Variants in NXPE3 observed in about 807,000 individuals in gnomAD.
NXPE3 encodes the protein neurexophilin and PC-esterase domain family member 3.
A neutral mutation model predicts 46.1 loss-of-function variants in NXPE3; 26 were observed. That is an observed-to-expected ratio of 0.56 (90% CI 0.41 to 0.78). The LOEUF is 0.78. NXPE3 is among the 30% of genes least tolerant of loss of function. The pLI is 0.00. For synonymous variants in NXPE3, 272 were observed against 257.9 expected, an observed-to-expected ratio of 1.05 and a Z score of -0.52; for missense variants, 620 against 686.0, an observed-to-expected ratio of 0.90 and a Z score of 1.07.
intron 4 of NXPE3, 150 bp from the exon 5 acceptor site, chr3:101,801,085 A>C (rs1941114173): frequency 6.0e-6 from 5 of 833,294 alleles, no homozygotes; most frequent in Non-Finnish European, 9.5e-6. Context: ...CCGGAAGCCC[A>C]AGGGGATTTT....
At chr3:101,794,038 G>A (rs1303409169) in intron 4 of NXPE3, among the ~76,000 whole-genome samples, 2 of 151,646 alleles carry the variant, frequency 1.3e-5, no homozygotes, top group African/African-American at 2.4e-5. Context: ...TTTGTTTACT[G>A]TCTCTCAGGC....
intron 4 of NXPE3, among the ~76,000 whole-genome samples, chr3:101,786,523 G>C (rs1333084642): frequency 6.6e-6 from 1 of 152,214 alleles, no homozygotes; most frequent in African/African-American, 2.4e-5. Context: ...CCTGTGCGCT[G>C]TGAGTAAAAT....
chr3:101,785,714 TAACTAA>T (rs1940133205), intron 4 of NXPE3, 25 bp downstream of exon 4: 51 of 1,586,546 alleles, frequency 3.2e-5, no homozygotes, highest in Non-Finnish European at 4.2e-5. Flanking sequence ...TAATCCCTCA[TAACTAA>T]GGGAGCCGAG....
intron 6 of NXPE3, among the ~76,000 whole-genome samples, chr3:101,815,602 G>A (rs922877035): frequency 1.3e-5 from 2 of 152,126 alleles, no homozygotes; most frequent in East Asian, 1.9e-4. Flanking sequence ...GGTGGCTCAC[G>A]CCTGTAATTC....
At chr3:101,792,905 G>C (rs1476155771) in intron 4 of NXPE3, among the ~76,000 whole-genome samples, 3 of 152,128 alleles carry the variant, frequency 2.0e-5, no homozygotes, top group Non-Finnish European at 4.4e-5. Flanking sequence ...AGCATGGAAT[G>C]TTCTTCCATT....
At position 101,823,089 on chromosome 3, in the gene NXPE3, G is replaced by A. The variant is rs1477042087; in HGVS notation, c.*1135G>A. 1 of 152,016 alleles carries A rather than the reference G, an allele frequency of 6.6e-6. No individual in the cohort carries two copies. The highest frequency in any genetic ancestry group is 2.4e-5 in the African/African-American group (1 of 41,364). The allele number at this position is 152,016 out of a possible 1,614,324, so 9.4% of individuals were successfully genotyped here. A position where few individuals can be genotyped will look rare whatever the true frequency, so the allele number is the denominator to read the frequency against. On this transcript the variant is annotated 3_prime_UTR_variant, in exon 8 of 8. Transcript: ENST00000273347. Reference sequence around the variant, plus strand: ...TTTATTTGACTTATTAATTTTAAACGAGTTTAATTTGGGATCATTTAGTAA... The same window carrying A: ...TTTATTTGACTTATTAATTTTAAACAAGTTTAATTTGGGATCATTTAGTAA...
chr3:101,805,867 A>AAATTATTATTGTACAATAATAATTATAT (rs1458150142), intron 5 of NXPE3, among the ~76,000 whole-genome samples: 63 of 152,230 alleles, frequency 4.1e-4, no homozygotes, highest in African/African-American at 1.4e-3. Flanking sequence ...TTTTGTAAGA[A>AAATTATTATTGTACAATAATAATTATAT]AATTATTATT....
Position 101,797,145 on chromosome 3 carries a change from T to C in NXPE3, c.94-4090T>C, listed in dbSNP as rs115143357. 3.6e-3 allele frequency among the ~76,000 whole-genome samples: 549 copies of C among 152,304 alleles called. 3 individuals are homozygous for C. The highest frequency in any genetic ancestry group is 6.1e-3 in the Non-Finnish European group (417 of 68,012). On this transcript the variant is annotated intron_variant, in intron 4 of 7. Coordinates refer to ENST00000273347, the MANE Select transcript of NXPE3 (RefSeq NM_145037.4). ...GGAAATTTCAAAGAATGGAGAATGG[T>C]ATTAAGTACACAGTTGGATCCCCTC...
At position 101,804,969 on chromosome 3, in the gene NXPE3, G is replaced by A. The variant is rs186132178; in HGVS notation, c.849-2084G>A. Among the ~76,000 whole-genome samples the A allele has an allele frequency of 3.1e-3, 467 of 152,180 alleles. 1 individual carries two copies. The highest frequency in any genetic ancestry group is 0.01 in the Middle Eastern group (3 of 292). ...TTGTGTTTAAAAAATTGAATCTTTAGAAACATTGCAGGAATAATAACAATG... is the reference window on the plus strand; with the variant it reads ...TTGTGTTTAAAAAATTGAATCTTTAAAAACATTGCAGGAATAATAACAATG... On this transcript the variant is annotated intron_variant, in intron 5 of 7. Coordinates refer to ENST00000273347, the MANE Select transcript of NXPE3 (RefSeq NM_145037.4).
chr3:101,801,380 C>A lies in NXPE3; in HGVS notation c.239C>A (p.Ser80Tyr). ...AGCCAGGAGCGCATGGAGGAGGACT[C>A]CTTGCTGGCTGCCTTGCACCGGCAG... Reference protein sequence around the residue: ...LSSQERMEEDSLLAALHRQVP... With the variant: ...LSSQERMEEDYLLAALHRQVP... The change falls in exon 5 of 8, where the codon TCC (serine) becomes TAC (tyrosine). Residue 80 changes from serine to tyrosine, a missense_variant. Around this residue, in one of 3 missense-constraint regions of NXPE3, gnomAD observed 511 missense variants for 528.6 expected, o/e 0.97. Transcript: ENST00000273347. The A allele has an allele frequency of 6.2e-7, 1 of 1,614,206 alleles. No homozygotes were observed. Among genetic ancestry groups the A allele is most frequent in the Non-Finnish European group, 8.5e-7 (1 of 1,180,040 alleles).
rs769814229 is a variant in NXPE3, at chr3:101,801,869, C to A, written c.728C>A (p.Thr243Asn). 3.1e-6 allele frequency: 5 copies of A among 1,614,062 alleles called. No homozygotes were observed. The highest frequency in any genetic ancestry group is 1.7e-5 in the Admixed American group (1 of 60,002). ...CTGTGTAACTTTACAGACCTCTACA[C>A]TGGGGAGCCCTGGTTCTGCTTCAAA... is the stretch of plus-strand genomic sequence containing the variant. ...LPLCNFTDLYTGEPWFCFKPK... is the reference protein window; with the variant it reads ...LPLCNFTDLYNGEPWFCFKPK... The change falls in exon 5 of 8, where the codon ACT (threonine) becomes AAT (asparagine). Residue 243 changes from threonine to asparagine, a missense_variant. Around this residue, in one of 3 missense-constraint regions of NXPE3, gnomAD observed 511 missense variants for 528.6 expected, o/e 0.97. Coordinates refer to ENST00000273347, the MANE Select transcript of NXPE3 (RefSeq NM_145037.4).
At chr3:101,808,273 G>A (rs1316391899) in intron 6 of NXPE3, among the ~76,000 whole-genome samples, 1 of 152,206 alleles carries the variant, frequency 6.6e-6, no homozygotes, top group Non-Finnish European at 1.5e-5. Context: ...AGAAAGAAGG[G>A]ATGAATGTTA....
rs759012798 is a variant in NXPE3, at chr3:101,801,931, T to G, written c.790T>G (p.Phe264Val). The G allele has an allele frequency of 3.1e-6, 5 of 1,613,956 alleles. No homozygotes were observed. Among genetic ancestry groups the G allele is most frequent in the Non-Finnish European group, 4.2e-6 (5 of 1,179,962 alleles). Residue 264 changes from phenylalanine to valine, a missense_variant, in exon 5 of 8, where the codon TTC becomes GTC. Phe to Val is a conservative substitution (Grantham distance 50, BLOSUM62 -1). Around this residue, in one of 3 missense-constraint regions of NXPE3, gnomAD observed 511 missense variants for 528.6 expected, o/e 0.97. Transcript: ENST00000273347. ...CCCTTGCAGCAGCAGAATTACCCAT[T>G]TCAAAGGTGGATACCTGAAAGGTCT... Reference protein sequence around the residue: ...KLPCSSRITHFKGGYLKGLLT... With the variant: ...KLPCSSRITHVKGGYLKGLLT...
At position 101,816,838 on chromosome 3, in the gene NXPE3, T is replaced by A; in HGVS notation, c.966T>A (p.Pro322=). 6.2e-7 allele frequency: 1 copy of A among 1,614,154 alleles called. No individual in the cohort carries two copies. Among genetic ancestry groups the A allele is most frequent in the Non-Finnish European group, 8.5e-7 (1 of 1,179,996 alleles). The part of the protein sequence containing the change: ...LELSQGSGTF[P]SGYYYKDQWR... ...TATCTCAAGGCTCAGGAACTTTTCC[T>A]TCTGGGTATTATTATAAAGACCAGT... Residue 322 remains proline (P), a synonymous_variant, in exon 7 of 8, where the codon CCT becomes CCA. Coordinates refer to ENST00000273347, the MANE Select transcript of NXPE3 (RefSeq NM_145037.4).
intron 4 of NXPE3, among the ~76,000 whole-genome samples, chr3:101,797,481 A>G (rs112661904): frequency 9.2e-5 from 13 of 140,556 alleles, no homozygotes; most frequent in African/African-American, 3.5e-4. Context: ...TGTGCAGGTT[A>G]GTTACATATG....
Position 101,822,203 on chromosome 3 carries a change from T to C in NXPE3, c.*249T>C, listed in dbSNP as rs1942290771. The C allele has an allele frequency of 4.5e-6, 2 of 446,202 alleles. No homozygotes were observed. Among genetic ancestry groups the C allele is most frequent in the Non-Finnish European group, 8.0e-6 (2 of 248,738 alleles). 27.6% of individuals were successfully genotyped at this position (446,202 alleles called of 1,614,324 possible). On this transcript the variant is annotated 3_prime_UTR_variant, in exon 8 of 8. Coordinates refer to ENST00000273347, the MANE Select transcript of NXPE3 (RefSeq NM_145037.4). ...TAACTGCATCTACACACTATATTGCTCTTGTAACCAAAGATGCTAATGAGT... is the reference window on the plus strand; with the variant it reads ...TAACTGCATCTACACACTATATTGCCCTTGTAACCAAAGATGCTAATGAGT...
At chr3:101,787,499 G>A (rs1039810134) in intron 4 of NXPE3, among the ~76,000 whole-genome samples, 3 of 152,178 alleles carry the variant, frequency 2.0e-5, no homozygotes, top group Non-Finnish European at 4.4e-5. Flanking sequence ...TAGAGATGGC[G>A]TTATGCCATT....
chr3:101,812,584 C>A (rs904466001), intron 6 of NXPE3, among the ~76,000 whole-genome samples: 1 of 151,756 alleles, frequency 6.6e-6, no homozygotes, highest in African/African-American at 2.4e-5. Context: ...GAGGCCGAGG[C>A]GGGTGGGTCA....
chr3:101,827,018 A>T lies in NXPE3; in HGVS notation c.*5064A>T, dbSNP rs1942516443. The T allele has an allele frequency of 6.6e-6, 1 of 152,266 alleles. No homozygotes were observed. Among genetic ancestry groups the T allele is most frequent in the African/African-American group, 2.4e-5 (1 of 41,440 alleles). The allele number at this position is 152,266 out of a possible 1,614,324, so 9.4% of individuals were successfully genotyped here. On this transcript the variant is annotated 3_prime_UTR_variant, in exon 8 of 8. Transcript: ENST00000273347. ...ATTGCACTCTAGCCTGGGCAACGAG[A>T]GTGAAACTCTGTCTCAATAAATAAA...
Sources: gnomAD v4.1 joint callset for allele counts (sites outside exome capture counted in the v4.1 genomes callset) on GRCh38, gnomAD v4.1.1 for gene constraint, gnomAD v4.1.1 regional missense constraint, MANE v1.5 for transcripts, NCBI Gene and HGNC (gene_info 2026-07-23, HGNC 2026-07-21) for gene names.